The following SIPA1L3 variants were observed in gnomAD, a reference collection of about 807,000 sequenced individuals.
SIPA1L3 encodes the protein signal induced proliferation associated 1 like 3.
Under a neutral mutation model 150.1 loss-of-function variants are expected in SIPA1L3, and 59 were observed. That is an observed-to-expected ratio of 0.39 (90% CI 0.32 to 0.49). SIPA1L3 has a LOEUF of 0.49. Among genes scored for constraint, SIPA1L3 ranks in the 20% least tolerant of loss-of-function variants. The pLI, the probability that SIPA1L3 is intolerant of heterozygous loss-of-function variation, is 0.86. For missense variants in SIPA1L3, 2,211 were observed against 2,489.5 expected (o/e 0.89, Z 2.38); for synonymous variants, 1,070 against 1,077.6 (o/e 0.99, Z 0.14).
chr19:37,923,285 T>A (rs922185069), intron 1 of SIPA1L3, among the ~76,000 whole-genome samples: 3 of 152,194 alleles, frequency 2.0e-5, no homozygotes, highest in Non-Finnish European at 4.4e-5. Context: ...TTAGGCTCTT[T>A]TGTTGTGTGA....
At chr19:38,131,601 T>G (rs1971308212) in intron 10 of SIPA1L3, 2 of 159,652 alleles carry the variant, frequency 1.3e-5, no homozygotes, top group Non-Finnish European at 2.7e-5. Flanking sequence ...GTAGGTGACT[T>G]ATTTATTTTG....
intron 3 of SIPA1L3, 124 bp from the exon 4 acceptor site, chr19:38,088,597 C>T (rs1352967881): frequency 7.3e-6 from 9 of 1,225,072 alleles, no homozygotes; most frequent in Admixed American, 6.9e-5. Context: ...ATGAGGTTTG[C>T]GTGACCAGCA....
Position 38,193,659 on chromosome 19 carries a change from C to T in SIPA1L3, c.4719C>T (p.Phe1573=), listed in dbSNP as rs377064912. 4.1e-5 allele frequency: 65 copies of T among 1,582,178 alleles called. No homozygotes were observed. Among genetic ancestry groups the T allele is most frequent in the Middle Eastern group, 3.6e-4 (2 of 5,550 alleles). ...CAGGGCTGCCCAGCGACGTGCTCTT[C>T]ACCAGCACCTGCGCCTTCCCGTCCA... ...LEPGLPSDVL[F]TSTCAFPSST... Residue 1573 remains phenylalanine (F), a synonymous_variant, in exon 18 of 22, where the codon TTC becomes TTT. Transcript: ENST00000222345.
intron 18 of SIPA1L3, among the ~76,000 whole-genome samples, chr19:38,197,981 C>A (rs1973000345): frequency 6.6e-6 from 1 of 152,082 alleles, no homozygotes; most frequent in Non-Finnish European, 1.5e-5. Flanking sequence ...CCCACACGGT[C>A]CGGCCGTGTT....
At position 38,162,326 on chromosome 19, in the gene SIPA1L3, C is replaced by T; in HGVS notation, c.3735C>T (p.Ser1245=). The change falls in exon 14 of 22, where the codon TCC becomes TCT. Residue 1245 remains serine (S), a synonymous_variant. Coordinates refer to ENST00000222345, the MANE Select transcript of SIPA1L3 (RefSeq NM_015073.3). The part of the protein sequence containing the change: ...IAGSSGNKHP[S]RQDAAGKDSP... ...GAAGCAGCGGGAACAAGCACCCGTC[C>T]AGGCAGGATGCAGCAGGCAAAGATT... The T allele has an allele frequency of 6.2e-7, 1 of 1,614,236 alleles. No homozygotes were observed. The highest frequency in any genetic ancestry group is 8.5e-7 in the Non-Finnish European group (1 of 1,180,034).
intron 2 of SIPA1L3, among the ~76,000 whole-genome samples, chr19:38,048,672 A>T (rs1969115138): frequency 6.6e-6 from 1 of 152,150 alleles, no homozygotes; most frequent in Non-Finnish European, 1.5e-5. Context: ...AAGTTAGCAA[A>T]TCGTGTCAGG....
At chr19:38,108,840 T>C (rs1422265330) in intron 7 of SIPA1L3, among the ~76,000 whole-genome samples, 4 of 151,970 alleles carry the variant, frequency 2.6e-5, no homozygotes, top group African/African-American at 4.8e-5. Context: ...AAATACAAAA[T>C]TAACTGGGCG....
rs1490767885 is a variant in SIPA1L3 at position 37,922,115 on chromosome 19, C to T, written c.-379+14757C>T. On this transcript the variant is annotated intron_variant, in intron 1 of 21. Transcript: ENST00000222345. ...TTTTTTATTTTTTGAGATTGAGTTT[C>T]GCTGTTTCACCCAGGCCGGAGTGAA... 3.9e-5 allele frequency among the ~76,000 whole-genome samples: 6 copies of T among 152,028 alleles called. No individual in the cohort carries two copies. The East Asian group carries it at 7.8e-4, about 20-fold the overall frequency.
At chr19:38,045,802 G>A (rs922189048) in intron 2 of SIPA1L3, among the ~76,000 whole-genome samples, 13 of 152,190 alleles carry the variant, frequency 8.5e-5, no homozygotes, top group African/African-American at 2.4e-4. Context: ...CCAAGGTGTC[G>A]CAGGTGGGGA....
At chr19:38,201,783 A>G in intron 19 of SIPA1L3, 79 bp from the exon 20 acceptor site, 7 of 1,465,146 alleles carry the variant, frequency 4.8e-6, no homozygotes, top group Non-Finnish European at 6.4e-6. Flanking sequence ...GGAGGTTTGC[A>G]GGGAGAGGCG....
At chr19:38,005,037 T>C (rs1467470842) in intron 1 of SIPA1L3, among the ~76,000 whole-genome samples, 1 of 152,060 alleles carries the variant, frequency 6.6e-6, no homozygotes. Context: ...CCCTCCGGAC[T>C]AACCGGGGCC....
chr19:38,195,092 T>C (rs1972892317), intron 18 of SIPA1L3, among the ~76,000 whole-genome samples: 1 of 151,282 alleles, frequency 6.6e-6, no homozygotes, highest in Non-Finnish European at 1.5e-5. Context: ...TGCCTTGGCA[T>C]TTGCATCTGC....
chr19:38,030,675 T>C (rs1968633164), intron 2 of SIPA1L3, among the ~76,000 whole-genome samples: 1 of 139,868 alleles, frequency 7.1e-6, no homozygotes, highest in African/African-American at 2.8e-5. Context: ...CTGTGCTATA[T>C]AGGTTTTGAA....
intron 8 of SIPA1L3, among the ~76,000 whole-genome samples, chr19:38,111,805 G>C (rs756774979): frequency 2.6e-5 from 4 of 152,260 alleles, no homozygotes; most frequent in Admixed American, 2.0e-4. Context: ...GCTACAGAGT[G>C]CCTGCACCTC....
rs549097260 is a variant in SIPA1L3 at position 38,143,335 on chromosome 19, G to A, written c.3533+625G>A. On this transcript the variant is annotated intron_variant, in intron 12 of 21. Transcript: ENST00000222345. ...GGCAGCCACATCAATCCTAGTCCTT[G>A]GGCCTGAGCTGTGGCCCTCATCCTG... Among the ~76,000 whole-genome samples the A allele has an allele frequency of 2.0e-5, 3 of 152,154 alleles. No homozygotes were observed. The South Asian group carries it at 6.2e-4, about 32-fold the overall frequency.
chr19:38,100,166 G>A lies in SIPA1L3; in HGVS notation c.1854+16G>A, dbSNP rs1970468525. On this transcript the variant is annotated intron_variant, in intron 5 of 21. Transcript: ENST00000222345. ...TGAGCAAGGGGTGAGTCAGGGGCTGGAGGTGGGGGTGCTGCTGGGGCAGTA... is the reference window on the plus strand; with the variant it reads ...TGAGCAAGGGGTGAGTCAGGGGCTGAAGGTGGGGGTGCTGCTGGGGCAGTA... The A allele has an allele frequency of 6.5e-7, 1 of 1,530,700 alleles. No individual in the cohort carries two copies. Among genetic ancestry groups the A allele is most frequent in the Admixed American group, 2.2e-5 (1 of 45,860 alleles). The allele number at this position is 1,530,700 out of a possible 1,614,324, so 94.8% of individuals were successfully genotyped here.
rs932201519 is a variant in SIPA1L3 at position 38,041,016 on chromosome 19, G to A, written c.-311+11860G>A. On this transcript the variant is annotated intron_variant, in intron 2 of 21. Transcript: ENST00000222345. ...CTGACCTCATGATCTGCCCACCTCT[G>A]CCTCCCAAAGTGCTAGGATTACAGG... is the stretch of plus-strand genomic sequence containing the variant. Among the ~76,000 whole-genome samples, 6 of 152,006 alleles carry A rather than the reference G, an allele frequency of 3.9e-5. No homozygotes were observed. In the East Asian group the frequency reaches 1.2e-3, roughly 29 times the overall value.
At chr19:38,087,050 C>G (rs1479113825) in intron 3 of SIPA1L3, among the ~76,000 whole-genome samples, 2 of 152,132 alleles carry the variant, frequency 1.3e-5, no homozygotes, top group Non-Finnish European at 2.9e-5. Context: ...AGGGTTCTTG[C>G]TAAACTGACT....
chr19:38,099,923 T>C, intron 4 of SIPA1L3, 39 bp from the exon 5 acceptor site: 3 of 1,521,386 alleles, frequency 2.0e-6, no homozygotes, highest in Non-Finnish European at 1.8e-6. Flanking sequence ...TTTTTAGGTC[T>C]CGAGAGCCCC....
Sources: allele counts gnomAD v4.1 joint callset (sites outside exome capture counted in the v4.1 genomes callset), GRCh38; gene constraint gnomAD v4.1.1; transcripts MANE v1.5; gene names NCBI Gene and HGNC (gene_info 2026-07-23, HGNC 2026-07-21).